The following KIAA1217 variants were observed in gnomAD, a reference collection of about 807,000 sequenced individuals.
KIAA1217 encodes KIAA1217.
In KIAA1217, 88 loss-of-function variants were observed where a neutral mutation model predicts 163.9. The ratio of observed to expected loss-of-function variants is 0.54; its 90% CI spans 0.45 to 0.64. The LOEUF is 0.64. KIAA1217 is among the 30% of genes least tolerant of loss of function. The pLI, the probability that KIAA1217 is intolerant of heterozygous loss-of-function variation, is 0.00. For missense variants in KIAA1217, 2,372 were observed against 2,475.0 expected, an observed-to-expected ratio of 0.96 and a Z score of 0.88; for synonymous variants, 903 against 923.1, an observed-to-expected ratio of 0.98 and a Z score of 0.39.
At chr10:24,136,373 T>G (rs1399488832) in intron 2 of KIAA1217, among the ~76,000 whole-genome samples, 1 of 152,146 alleles carries the variant, frequency 6.6e-6, no homozygotes, top group Non-Finnish European at 1.5e-5. Flanking sequence ...AAATTCTAGT[T>G]GAGATTATTA....
intron 2 of KIAA1217, among the ~76,000 whole-genome samples, chr10:24,022,882 C>G (rs1847793742): frequency 6.8e-6 from 1 of 147,650 alleles, no homozygotes; most frequent in African/African-American, 2.5e-5. Flanking sequence ...TATTCCTAGT[C>G]AAAACTTTTA....
chr10:23,891,794 T>C (rs370051972), intron 1 of KIAA1217, among the ~76,000 whole-genome samples: 15 of 151,972 alleles, frequency 9.9e-5, no homozygotes, highest in African/African-American at 3.6e-4. Flanking sequence ...TTTATTTCTC[T>C]CTGAATTTCT....
rs374064420 is a variant in KIAA1217 at position 24,408,310 on chromosome 10, A to G, written c.554-24685A>G. Among the ~76,000 whole-genome samples the G allele has an allele frequency of 3.3e-5, 5 of 152,266 alleles. No homozygotes were observed. In the East Asian group the frequency reaches 5.8e-4, roughly 18 times the overall value. ...AACCAATGTGGGAAAATAAATCATGAGCTATCAACCCACCCTCCGAATGTA... is the reference window on the plus strand; with the variant it reads ...AACCAATGTGGGAAAATAAATCATGGGCTATCAACCCACCCTCCGAATGTA... On this transcript the variant is annotated intron_variant, in intron 3 of 20. Transcript: ENST00000376454.
intron 1 of KIAA1217, among the ~76,000 whole-genome samples, chr10:23,708,268 T>C (rs2130727421): frequency 6.6e-6 from 1 of 152,250 alleles, no homozygotes. Flanking sequence ...TCCCACAACA[T>C]GTGGGAATTA....
chr10:23,763,098 C>A (rs1834343556), intron 1 of KIAA1217, among the ~76,000 whole-genome samples: 1 of 152,014 alleles, frequency 6.6e-6, no homozygotes, highest in South Asian at 2.1e-4. Flanking sequence ...AACCACTGCT[C>A]AAGGAAATAA....
intron 2 of KIAA1217, among the ~76,000 whole-genome samples, chr10:24,270,662 G>A (rs1037198008): frequency 2.6e-5 from 4 of 151,968 alleles, no homozygotes; most frequent in Non-Finnish European, 2.9e-5. Flanking sequence ...TGCCTCAGCC[G>A]CCTAAGTAAC....
chr10:24,172,390 C>T (rs2065673584), intron 2 of KIAA1217, among the ~76,000 whole-genome samples: 1 of 152,196 alleles, frequency 6.6e-6, no homozygotes, highest in African/African-American at 2.4e-5. Context: ...GAAAGCATCT[C>T]AGTAACAATT....
At chr10:23,804,669 C>T (rs545792065) in intron 1 of KIAA1217, among the ~76,000 whole-genome samples, 38 of 152,056 alleles carry the variant, frequency 2.5e-4, no homozygotes, top group Non-Finnish European at 5.3e-4. Flanking sequence ...CACACCGTTG[C>T]CAGTGTCTGA....
At chr10:24,259,140 T>G (rs1663865795) in intron 2 of KIAA1217, among the ~76,000 whole-genome samples, 1 of 151,986 alleles carries the variant, frequency 6.6e-6, no homozygotes, top group African/African-American at 2.4e-5. Flanking sequence ...CTCTGGTATG[T>G]TAGAAAAACT....
At chr10:24,382,104 A>G (rs1462051606) in intron 3 of KIAA1217, among the ~76,000 whole-genome samples, 1 of 151,944 alleles carries the variant, frequency 6.6e-6, no homozygotes, top group African/African-American at 2.4e-5. Flanking sequence ...AAAATGGACA[A>G]GTCGTGAGGA....
chr10:23,723,585 A>C (rs1564367244), intron 1 of KIAA1217, among the ~76,000 whole-genome samples: 1 of 152,176 alleles, frequency 6.6e-6, no homozygotes, highest in Non-Finnish European at 1.5e-5. Flanking sequence ...CTAGTTTCCT[A>C]ATAGTTAAGA....
chr10:24,542,408 T>C, intron 17 of KIAA1217: 1 of 710,596 alleles, frequency 1.4e-6, no homozygotes, highest in Admixed American at 3.4e-5. Flanking sequence ...GACATGTTAG[T>C]AATGACTCTG....
intron 2 of KIAA1217, among the ~76,000 whole-genome samples, chr10:24,115,775 G>C (rs1223034089): frequency 6.6e-6 from 1 of 152,218 alleles, no homozygotes; most frequent in Non-Finnish European, 1.5e-5. Context: ...CAACCATCTG[G>C]ATTCCTTGGA....
chr10:24,535,332 C>T (rs1421547318), intron 16 of KIAA1217, among the ~76,000 whole-genome samples: 1 of 152,216 alleles, frequency 6.6e-6, no homozygotes, highest in Non-Finnish European at 1.5e-5. Context: ...GAAAGTCCCT[C>T]ATCAGCCACC....
In KIAA1217 at chr10:23,831,865, G is replaced by T. The variant is rs1237997214; in HGVS notation, c.-321+136631G>T. 3.9e-5 allele frequency among the ~76,000 whole-genome samples: 6 copies of T among 152,220 alleles called. No homozygotes were observed. The South Asian group carries it at 6.2e-4, about 16-fold the overall frequency. ...TACTATTTCTTCCACTTCTAAAGAA[G>T]GTTTTGTTCTCACTAATGATTGATT... On this transcript the variant is annotated intron_variant, in intron 1 of 18. Coordinates refer to the KIAA1217 transcript ENST00000376462.
At chr10:24,247,757 C>T (rs760298519) in intron 2 of KIAA1217, among the ~76,000 whole-genome samples, 3 of 152,128 alleles carry the variant, frequency 2.0e-5, no homozygotes, top group South Asian at 2.1e-4. Flanking sequence ...GCTGAGATTG[C>T]GCCACTGCCC....
intron 1 of KIAA1217, among the ~76,000 whole-genome samples, chr10:23,856,941 C>T (rs984453883): frequency 1.3e-5 from 2 of 152,238 alleles, no homozygotes; most frequent in African/African-American, 2.4e-5. Context: ...GGAAAGGGAA[C>T]TCCCTGACCC....
chr10:24,494,326 A>G (rs2066504479), intron 6 of KIAA1217, among the ~76,000 whole-genome samples, 174 bp from the exon 7 acceptor site: 1 of 152,118 alleles, frequency 6.6e-6, no homozygotes, highest in Non-Finnish European at 1.5e-5. Context: ...AACACTGATC[A>G]CGAATCTTGA....
At chr10:23,793,810 C>G (rs1165129061) in intron 1 of KIAA1217, among the ~76,000 whole-genome samples, 1 of 152,164 alleles carries the variant, frequency 6.6e-6, no homozygotes, top group Non-Finnish European at 1.5e-5. Flanking sequence ...TAGCTGTGGA[C>G]TCAAAACTGA....
Sources: gnomAD v4.1 joint callset for allele counts (sites outside exome capture counted in the v4.1 genomes callset) on GRCh38, gnomAD v4.1.1 for gene constraint, MANE v1.5 for transcripts, NCBI Gene and HGNC (gene_info 2026-07-23, HGNC 2026-07-21) for gene names.